Variants in IMMP2L observed in about 807,000 individuals in gnomAD.
The protein encoded by IMMP2L is inner mitochondrial membrane peptidase subunit 2, also known as mitochondrial inner membrane protease subunit 2.
IMMP2L carries 18 observed loss-of-function variants against 19.3 expected under a neutral mutation model. The ratio of observed to expected loss-of-function variants is 0.93; its 90% CI spans 0.64 to 1.38. The LOEUF is 1.38. Ranked by LOEUF, IMMP2L falls within the 40% of genes most tolerant of loss-of-function variation. The pLI is 0.00. For synonymous variants in IMMP2L, 76 were observed against 73.0 expected (o/e 1.04, Z -0.21); for missense variants, 233 against 218.2 (o/e 1.07, Z -0.43).
intron 3 of IMMP2L, among the ~76,000 whole-genome samples, chr7:111,060,353 T>G (rs1477028554): frequency 1.3e-5 from 2 of 152,220 alleles, no homozygotes; most frequent in Non-Finnish European, 2.9e-5. Flanking sequence ...TACATACATA[T>G]TAATTATTTT....
intron 3 of IMMP2L, among the ~76,000 whole-genome samples, chr7:111,111,446 C>T (rs552028989): frequency 3.3e-4 from 50 of 151,168 alleles, no homozygotes; most frequent in African/African-American, 9.7e-4. Context: ...TTACTTCCCC[C>T]GCCCTTAATT....
At chr7:111,122,977 G>A (rs1466470505) in intron 3 of IMMP2L, 4 of 1,613,996 alleles carry the variant, frequency 2.5e-6, no homozygotes. Flanking sequence ...CAGATTGCCA[G>A]CTAACACACA....
At chr7:111,487,783 T>C (rs1842777322) in intron 2 of IMMP2L, among the ~76,000 whole-genome samples, 1 of 152,050 alleles carries the variant, frequency 6.6e-6, no homozygotes, top group Non-Finnish European at 1.5e-5. Context: ...TTCACAGTCA[T>C]ATGAAAAACT....
intron 3 of IMMP2L, among the ~76,000 whole-genome samples, chr7:110,993,327 T>C (rs767482162): frequency 1.9e-4 from 29 of 152,192 alleles, no homozygotes; most frequent in Admixed American, 2.6e-4. Flanking sequence ...CCTATGTCTC[T>C]GCTCTAAACA....
At chr7:110,687,097 G>A (rs978334594) in intron 5 of IMMP2L, among the ~76,000 whole-genome samples, 7 of 151,848 alleles carry the variant, frequency 4.6e-5, no homozygotes, top group Admixed American at 2.0e-4. Context: ...GAACTTCTTC[G>A]CTAAAATACA....
chr7:111,252,915 A>T (rs1816306967), intron 3 of IMMP2L, among the ~76,000 whole-genome samples: 1 of 152,170 alleles, frequency 6.6e-6, no homozygotes, highest in African/African-American at 2.4e-5. Context: ...AGAGTAATGT[A>T]ATTTATAAGA....
chr7:111,061,611 A>C (rs970395320), intron 3 of IMMP2L, among the ~76,000 whole-genome samples: 1 of 152,034 alleles, frequency 6.6e-6, no homozygotes, highest in Non-Finnish European at 1.5e-5. Context: ...CAGGTTCTTC[A>C]CCATAAGCAC....
At chr7:110,975,568 C>G (rs1820602469) in intron 3 of IMMP2L, among the ~76,000 whole-genome samples, 1 of 152,164 alleles carries the variant, frequency 6.6e-6, no homozygotes, top group Non-Finnish European at 1.5e-5. Flanking sequence ...TAACTGCCAA[C>G]TAATAAACTA....
At chr7:111,361,187 C>T (rs960102472) in intron 3 of IMMP2L, among the ~76,000 whole-genome samples, 4 of 152,162 alleles carry the variant, frequency 2.6e-5, no homozygotes, top group African/African-American at 7.2e-5. Flanking sequence ...AGGCAGCCTT[C>T]CTATTGCTGT....
At chr7:111,178,168 C>T (rs913523881) in intron 3 of IMMP2L, among the ~76,000 whole-genome samples, 4 of 151,896 alleles carry the variant, frequency 2.6e-5, no homozygotes, top group African/African-American at 4.8e-5. Flanking sequence ...ATTAATACAG[C>T]AATAAAGCAA....
chr7:111,115,859 T>C (rs948684643), intron 3 of IMMP2L, among the ~76,000 whole-genome samples: 1 of 151,992 alleles, frequency 6.6e-6, no homozygotes, highest in Non-Finnish European at 1.5e-5. Context: ...GTATTTTTAC[T>C]AGAGACTGGG....
chr7:111,232,809 T>A (rs1270039158), intron 3 of IMMP2L, among the ~76,000 whole-genome samples: 4 of 152,026 alleles, frequency 2.6e-5, no homozygotes, highest in African/African-American at 9.7e-5. Context: ...TACCTTTACC[T>A]CCCCACCTAC....
At chr7:111,391,682 A>G (rs951172627) in intron 3 of IMMP2L, among the ~76,000 whole-genome samples, 5 of 152,182 alleles carry the variant, frequency 3.3e-5, no homozygotes, top group African/African-American at 1.2e-4. Flanking sequence ...CCTTCGTTTT[A>G]TACAGAATGA....
At chr7:111,503,240 A>G (rs532590409) in intron 2 of IMMP2L, among the ~76,000 whole-genome samples, 3 of 152,096 alleles carry the variant, frequency 2.0e-5, no homozygotes, top group African/African-American at 7.2e-5. Context: ...TAAATTCCTC[A>G]ACACATACAC....
rs550490260 is a variant in IMMP2L, at chr7:111,075,347, C to T, written c.240-111782G>A. Among the ~76,000 whole-genome samples, 6 of 151,988 alleles carry T rather than the reference C, an allele frequency of 3.9e-5. No individual in the cohort carries two copies. In the East Asian group the frequency reaches 9.7e-4, roughly 25 times the overall value. ...TTCACCATGTTGGCCAGGCTGGTCT[C>T]GAACTCCTGAACTCAACTGATCCAA... On this transcript the variant is annotated intron_variant, in intron 3 of 5. Coordinates refer to ENST00000405709, the MANE Select transcript of IMMP2L (RefSeq NM_032549.4).
At chr7:110,790,101 G>A (rs931767874) in intron 5 of IMMP2L, among the ~76,000 whole-genome samples, 2 of 151,460 alleles carry the variant, frequency 1.3e-5, no homozygotes, top group East Asian at 3.9e-4. Flanking sequence ...CTAGTCACTG[G>A]GCCTACAGTA....
chr7:111,392,283 A>G (rs1832434255), intron 3 of IMMP2L, among the ~76,000 whole-genome samples: 1 of 152,146 alleles, frequency 6.6e-6, no homozygotes, highest in African/African-American at 2.4e-5. Context: ...ATAAATGATC[A>G]ATGCCCCCAC....
chr7:110,884,760 CT>C (rs1678847540), intron 5 of IMMP2L, among the ~76,000 whole-genome samples: 1 of 151,954 alleles, frequency 6.6e-6, no homozygotes, highest in African/African-American at 2.4e-5. Context: ...TTTATTTCAC[CT>C]TTAGTATACC....
At chr7:110,724,558 C>T (rs1795772201) in intron 5 of IMMP2L, 2 of 151,582 alleles carry the variant, frequency 1.3e-5, no homozygotes, top group African/African-American at 4.8e-5. Flanking sequence ...TGCAGCTTCT[C>T]TGAGGAATGT....
Sources: gnomAD v4.1 joint callset for allele counts (sites outside exome capture counted in the v4.1 genomes callset) on GRCh38, gnomAD v4.1.1 for gene constraint, MANE v1.5 for transcripts, NCBI Gene and HGNC (gene_info 2026-07-23, HGNC 2026-07-21) for gene names.